ADGRL3: variants seen among roughly 807,000 people sequenced by gnomAD.
The protein encoded by ADGRL3 is adhesion G protein-coupled receptor L3.
A neutral mutation model predicts 153.5 loss-of-function variants in ADGRL3; 62 were observed. The observed-to-expected ratio is 0.40, with a 90% CI of 0.33 to 0.50. The LOEUF is 0.50. ADGRL3 is among the 20% of genes least tolerant of loss of function. The pLI is 0.47. For missense variants in ADGRL3, 1,641 were observed against 1,859.4 expected (o/e 0.88, Z 2.16); for synonymous variants, 710 against 672.5 (o/e 1.06, Z -0.86).
chr4:61,630,768 G>C (rs1426785401), intron 5 of ADGRL3, among the ~76,000 whole-genome samples: 1 of 152,196 alleles, frequency 6.6e-6, no homozygotes, highest in Non-Finnish European at 1.5e-5. Context: ...AGCACATATG[G>C]AGCCGTTTTA....
intron 5 of ADGRL3, among the ~76,000 whole-genome samples, chr4:61,654,549 A>T (rs1451805795): frequency 6.6e-6 from 1 of 151,944 alleles, no homozygotes; most frequent in Non-Finnish European, 1.5e-5. Context: ...ATTATTTTTT[A>T]AAATAAAAAT....
intron 3 of ADGRL3, among the ~76,000 whole-genome samples, chr4:61,506,799 A>G (rs997356648): frequency 6.6e-6 from 1 of 152,140 alleles, no homozygotes; most frequent in African/African-American, 2.4e-5. Flanking sequence ...CAAACATAAA[A>G]TAGCATTTTA....
chr4:61,492,566 GA>G (rs1264720022), intron 2 of ADGRL3, among the ~76,000 whole-genome samples: 2 of 151,782 alleles, frequency 1.3e-5, no homozygotes, highest in Admixed American at 1.3e-4. Flanking sequence ...GAAAAGAAGA[GA>G]ATATTAAAAA....
intron 2 of ADGRL3, among the ~76,000 whole-genome samples, chr4:61,484,876 G>A (rs568984879): frequency 2.7e-5 from 4 of 149,992 alleles, no homozygotes; most frequent in South Asian, 2.2e-4. Context: ...TGGTAGGTAC[G>A]TATAAATGCA....
intron 8 of ADGRL3, among the ~76,000 whole-genome samples, chr4:61,743,191 G>A (rs1408701610): frequency 6.6e-6 from 1 of 151,516 alleles, no homozygotes; most frequent in East Asian, 1.9e-4. Context: ...GTGGTGGTGG[G>A]TGCCTGTAGT....
chr4:62,028,099 G>A (rs1301319930), intron 21 of ADGRL3, among the ~76,000 whole-genome samples: 1 of 151,720 alleles, frequency 6.6e-6, no homozygotes, highest in Non-Finnish European at 1.5e-5. Context: ...GAAAGGAACA[G>A]TTTCTCTTCT....
intron 1 of ADGRL3, among the ~76,000 whole-genome samples, chr4:61,271,259 C>T (rs776325613): frequency 6.6e-6 from 1 of 151,862 alleles, no homozygotes; most frequent in African/African-American, 2.4e-5. Flanking sequence ...CCTTGCTCTT[C>T]AAGACTTGAC....
chr4:61,947,849 C>T (rs1026798488), intron 16 of ADGRL3, among the ~76,000 whole-genome samples: 5 of 152,210 alleles, frequency 3.3e-5, no homozygotes, highest in African/African-American at 1.2e-4. Flanking sequence ...GATTTTGAAA[C>T]ATTGGTACTA....
At chr4:61,537,438 T>A (rs1255124679) in intron 4 of ADGRL3, among the ~76,000 whole-genome samples, 2 of 152,212 alleles carry the variant, frequency 1.3e-5, no homozygotes, top group Non-Finnish European at 2.9e-5. Context: ...AGATTACAGA[T>A]ATTTTCTTCA....
chr4:61,736,673 A>C (rs1274128544), intron 8 of ADGRL3, among the ~76,000 whole-genome samples: 2 of 152,130 alleles, frequency 1.3e-5, no homozygotes, highest in Non-Finnish European at 2.9e-5. Flanking sequence ...ATAAATAAAT[A>C]AATAAAAGGA....
At position 61,733,250 on chromosome 4, in the gene ADGRL3, C is replaced by T. The variant is rs771596347; in HGVS notation, c.1095C>T (p.Ile365=). Residue 365 remains isoleucine (I), a synonymous_variant, in exon 8 of 27, where the codon ATC becomes ATT. Coordinates refer to ENST00000683033, the MANE Select transcript of ADGRL3 (RefSeq NM_001387552.1). Reference sequence around the variant, plus strand: ...AATTGAACCCTTACACCCTACGGATCGAAGGAACATGGGATACTGCATATG... The same window carrying T: ...AATTGAACCCTTACACCCTACGGATTGAAGGAACATGGGATACTGCATATG... ...ISQLNPYTLR[I]EGTWDTAYDK... 1.2e-5 allele frequency: 19 copies of T among 1,613,536 alleles called. No individual in the cohort carries two copies. Among genetic ancestry groups the T allele is most frequent in the Admixed American group, 3.3e-5 (2 of 59,884 alleles).
At chr4:62,024,700 G>C (rs1717327132) in intron 21 of ADGRL3, among the ~76,000 whole-genome samples, 1 of 152,002 alleles carries the variant, frequency 6.6e-6, no homozygotes, top group Non-Finnish European at 1.5e-5. Context: ...AGAGGCCGAG[G>C]CGGGCGGATC....
intron 1 of ADGRL3, among the ~76,000 whole-genome samples, chr4:61,327,327 GT>G (rs34802648): frequency 0.51 from 74,117 of 144,310 alleles, 19,734 homozygotes; most frequent in East Asian, 0.71. Context: ...GTTTTACTCA[GT>G]TTTTTTTTTT....
chr4:61,831,668 T>G (rs973052812), intron 9 of ADGRL3, among the ~76,000 whole-genome samples: 1 of 152,102 alleles, frequency 6.6e-6, no homozygotes, highest in African/African-American at 2.4e-5. Context: ...CATAAATGGC[T>G]GGAAAGTTCA....
chr4:61,743,530 T>A (rs1032653838), intron 8 of ADGRL3, among the ~76,000 whole-genome samples: 3 of 152,110 alleles, frequency 2.0e-5, no homozygotes, highest in African/African-American at 4.8e-5. Flanking sequence ...AACACACTAC[T>A]CATTAAATGA....
At chr4:62,037,027 A>C (rs1725388407) in intron 23 of ADGRL3, among the ~76,000 whole-genome samples, 1 of 152,144 alleles carries the variant, frequency 6.6e-6, no homozygotes, top group Admixed American at 6.6e-5. Context: ...TTAAGTATTT[A>C]ATCAAGAATG....
intron 21 of ADGRL3, among the ~76,000 whole-genome samples, chr4:62,011,936 T>A (rs1297372184): frequency 6.6e-6 from 1 of 151,280 alleles, no homozygotes; most frequent in Non-Finnish European, 1.5e-5. Flanking sequence ...TAGGAATACA[T>A]TTTTTTTTCC....
chr4:61,419,566 C>A (rs1362935388), intron 2 of ADGRL3, among the ~76,000 whole-genome samples: 1 of 151,990 alleles, frequency 6.6e-6, no homozygotes, highest in East Asian at 1.9e-4. Flanking sequence ...TGGGAGGAAA[C>A]CAGAATACCC....
At chr4:61,719,355 A>C (rs543596644) in intron 6 of ADGRL3, among the ~76,000 whole-genome samples, 20 of 152,328 alleles carry the variant, frequency 1.3e-4, no homozygotes, top group African/African-American at 4.8e-4. Flanking sequence ...TATTTGGTTA[A>C]GCCAATGGAA....
Sources: allele counts gnomAD v4.1 joint callset (sites outside exome capture counted in the v4.1 genomes callset), GRCh38; gene constraint gnomAD v4.1.1; transcripts MANE v1.5; gene names NCBI Gene and HGNC (gene_info 2026-07-23, HGNC 2026-07-21).